Variants in ELP4 observed in about 807,000 individuals in gnomAD.
The protein encoded by ELP4 is elongator complex protein 4.
Under a neutral mutation model 48.9 loss-of-function variants are expected in ELP4, and 51 were observed. The ratio of observed to expected loss-of-function variants is 1.04; its 90% CI spans 0.83 to 1.32. The LOEUF (loss-of-function observed/expected upper bound fraction) is 1.32. Among genes scored for constraint, ELP4 ranks in the 40% most tolerant of loss-of-function variants. The pLI, the probability that ELP4 is intolerant of heterozygous loss-of-function variation, is 0.00. For missense variants in ELP4, 519 were observed against 514.6 expected, an observed-to-expected ratio of 1.01 and a Z score of -0.08; for synonymous variants, 210 against 189.2, an observed-to-expected ratio of 1.11 and a Z score of -0.90.
intron 3 of ELP4, 79 bp downstream of exon 3, chr11:31,539,862 T>C (rs918234555): frequency 8.1e-7 from 1 of 1,238,100 alleles, no homozygotes; most frequent in African/African-American, 1.5e-5. Flanking sequence ...ACAAGATATA[T>C]GTTTGTATAT....
At chr11:31,695,447 C>T (rs145325770) in intron 9 of ELP4, among the ~76,000 whole-genome samples, 4,317 of 151,736 alleles carry the variant, frequency 0.028, 203 homozygotes, top group African/African-American at 0.098. Flanking sequence ...TCTGTTTATA[C>T]GATGGATTAC....
At chr11:31,645,966 G>C (rs1945189241) in intron 7 of ELP4, 1 of 146,236 alleles carries the variant, frequency 6.8e-6, no homozygotes, top group Non-Finnish European at 1.5e-5. Context: ...CTGTTGGAAT[G>C]TCTGGCAGAC....
chr11:31,673,160 G>T (rs1049095458), intron 9 of ELP4, among the ~76,000 whole-genome samples: 8 of 152,026 alleles, frequency 5.3e-5, no homozygotes, highest in African/African-American at 1.2e-4. Flanking sequence ...GGGACTACAG[G>T]TGTGCACCAC....
chr11:31,665,121 G>C (rs976850026), intron 9 of ELP4, among the ~76,000 whole-genome samples: 1 of 152,066 alleles, frequency 6.6e-6, no homozygotes, highest in African/African-American at 2.4e-5. Context: ...GTTTGGAGCT[G>C]GGATAAACTA....
At chr11:31,732,276 T>TGTGACATAAATAATATAAA (rs1210852787) in intron 9 of ELP4, among the ~76,000 whole-genome samples, 1 of 152,216 alleles carries the variant, frequency 6.6e-6, no homozygotes, top group Non-Finnish European at 1.5e-5. Context: ...AGATCTACTT[T>TGTGACATAAATAATATAAA]GTGACATAAA....
intron 8 of ELP4, chr11:31,649,132 T>G (rs1386402788): frequency 3.3e-5 from 5 of 151,692 alleles, no homozygotes; most frequent in African/African-American, 1.2e-4. Flanking sequence ...GAAGAGGCCA[T>G]TTCTAAAGCT....
At position 31,566,601 on chromosome 11, in the gene ELP4, T is replaced by C. The variant is rs1026213021; in HGVS notation, c.381+26818T>C. Among the ~76,000 whole-genome samples the C allele has an allele frequency of 2.2e-4, 33 of 152,284 alleles. No homozygotes were observed. The East Asian group carries it at 2.5e-3, about 12-fold the overall frequency. ...TTATCCACACCATAATCGGGTAAAATACTTCTTTATATTGATGCAACACTT... is the reference window on the plus strand; with the variant it reads ...TTATCCACACCATAATCGGGTAAAACACTTCTTTATATTGATGCAACACTT... On this transcript the variant is annotated intron_variant, in intron 3 of 9. Transcript: ENST00000640961.
chr11:31,585,897 C>T (rs921779416), intron 3 of ELP4, among the ~76,000 whole-genome samples: 1 of 151,920 alleles, frequency 6.6e-6, no homozygotes, highest in African/African-American at 2.4e-5. Context: ...CCAGCCTGGG[C>T]AACATAGCAA....
intron 9 of ELP4, among the ~76,000 whole-genome samples, chr11:31,764,689 C>T (rs188194486): frequency 1.6e-4 from 25 of 152,286 alleles, no homozygotes; most frequent in Admixed American, 1.6e-3. Flanking sequence ...TGCTTTACCA[C>T]AATGGAATAT....
intron 3 of ELP4, among the ~76,000 whole-genome samples, chr11:31,592,137 G>C (rs940462338): frequency 6.6e-6 from 1 of 152,142 alleles, no homozygotes; most frequent in Non-Finnish European, 1.5e-5. Flanking sequence ...TTTTTTGGGG[G>C]ACTGATGAAG....
intron 3 of ELP4, among the ~76,000 whole-genome samples, chr11:31,549,875 T>A (rs3112466): frequency 0.024 from 3,691 of 152,062 alleles, 146 homozygotes; most frequent in African/African-American, 0.085. Context: ...TTCTCAGTAA[T>A]CTATCGCAAG....
chr11:31,711,936 G>C (rs555565538), intron 9 of ELP4, among the ~76,000 whole-genome samples: 1 of 151,948 alleles, frequency 6.6e-6, no homozygotes, highest in African/African-American at 2.4e-5. Flanking sequence ...GACAAAGGTG[G>C]CATTTTACAT....
At chr11:31,545,621 G>T (rs1209424239) in intron 3 of ELP4, among the ~76,000 whole-genome samples, 1 of 152,048 alleles carries the variant, frequency 6.6e-6, no homozygotes. Flanking sequence ...TCAGATTCAG[G>T]AAATACAGAG....
At chr11:31,571,000 A>T (rs1184759671) in intron 3 of ELP4, among the ~76,000 whole-genome samples, 4 of 151,462 alleles carry the variant, frequency 2.6e-5, no homozygotes, top group Non-Finnish European at 5.9e-5. Flanking sequence ...GGGTTTCACC[A>T]TATTGGCCAG....
chr11:31,662,857 G>A (rs989457606), intron 9 of ELP4: 2 of 290,534 alleles, frequency 6.9e-6, no homozygotes, highest in Admixed American at 1.0e-4. Flanking sequence ...GGTTAAAATT[G>A]GAAGGGAGCT....
intron 3 of ELP4, among the ~76,000 whole-genome samples, chr11:31,564,624 C>A (rs563687104): frequency 1.3e-5 from 2 of 152,028 alleles, no homozygotes; most frequent in South Asian, 4.2e-4. Flanking sequence ...TGAGAAAATG[C>A]GGTGTTTGGC....
chr11:31,635,536 A>G (rs759523714), intron 7 of ELP4, among the ~76,000 whole-genome samples: 6 of 151,972 alleles, frequency 3.9e-5, no homozygotes, highest in Admixed American at 2.6e-4. Flanking sequence ...CAAACTGCAC[A>G]AAGTACCATT....
At chr11:31,695,368 C>T (rs959436312) in intron 9 of ELP4, among the ~76,000 whole-genome samples, 3 of 151,876 alleles carry the variant, frequency 2.0e-5, no homozygotes, top group Non-Finnish European at 4.4e-5. Flanking sequence ...TTAGCATGAA[C>T]GGCTGCTGAA....
At chr11:31,599,906 A>AT (rs1957747916) in intron 4 of ELP4, 3 of 152,134 alleles carry the variant, frequency 2.0e-5, no homozygotes, top group Admixed American at 2.0e-4. Context: ...ATCAGATGAG[A>AT]TTGGGCACAT....
Sources: allele counts gnomAD v4.1 joint callset (sites outside exome capture counted in the v4.1 genomes callset), GRCh38; gene constraint gnomAD v4.1.1; transcripts MANE v1.5; gene names NCBI Gene and HGNC (gene_info 2026-07-23, HGNC 2026-07-21).